HDAC4: variants seen among roughly 807,000 people sequenced by gnomAD.
HDAC4 encodes the protein histone deacetylase A.
In HDAC4, 16 loss-of-function variants were observed where a neutral mutation model predicts 135.1. The ratio of observed to expected loss-of-function variants is 0.12; its 90% CI spans 0.08 to 0.18. The LOEUF is 0.18. Ranked by LOEUF, HDAC4 falls within the 10% of genes least tolerant of loss-of-function variation. The pLI, the probability that HDAC4 is intolerant of heterozygous loss-of-function variation, is 1.00. For synonymous variants in HDAC4, 685 were observed against 653.4 expected (o/e 1.05, Z -0.74); for missense variants, 1,143 against 1,511.8 (o/e 0.76, Z 4.05).
rs891257782 is a variant in HDAC4 at position 239,377,595 on chromosome 2, C to T, written c.-220+23383G>A. On this transcript the variant is annotated intron_variant, in intron 1 of 26. Transcript: ENST00000543185. Reference sequence around the variant, plus strand: ...ACCTATGATGTATCCTGCCTCACTTCGCCCAGACCACCAACCTGGAGCAGC... The same window carrying T: ...ACCTATGATGTATCCTGCCTCACTTTGCCCAGACCACCAACCTGGAGCAGC... Among the ~76,000 whole-genome samples, 12 of 152,228 alleles carry T rather than the reference C, an allele frequency of 7.9e-5. No homozygotes were observed. In the South Asian group the frequency reaches 1.0e-3, roughly 13 times the overall value.
chr2:239,387,869 TG>T lies in HDAC4; in HGVS notation c.-220+13108del. On this transcript the variant is annotated intron_variant, in intron 1 of 26. Coordinates refer to ENST00000543185, the MANE Select transcript of HDAC4 (RefSeq NM_001378414.1). The stretch of plus-strand genomic sequence containing the variant: ...CTCATGGTTCCACCACGCATTGCAA[TG>T]GGCACTAAGGGGAGTGGAAGGCGTG... Among the ~76,000 whole-genome samples, 2 of 152,184 alleles carry T rather than the reference TG, an allele frequency of 1.3e-5. 1 individual carries two copies. Among genetic ancestry groups the T allele is most frequent in the South Asian group, 4.1e-4 (2 of 4,826 alleles).
chr2:239,364,526 G>A (rs369110389), intron 1 of HDAC4, among the ~76,000 whole-genome samples: 3 of 152,136 alleles, frequency 2.0e-5, no homozygotes, highest in African/African-American at 7.2e-5. Flanking sequence ...TGGGAGGGGT[G>A]GGGGACGGCC....
At chr2:239,166,171 A>G (rs548546425) in intron 5 of HDAC4, among the ~76,000 whole-genome samples, 112 of 152,256 alleles carry the variant, frequency 7.4e-4, no homozygotes, top group Admixed American at 2.2e-3. Context: ...CTCCCATTAC[A>G]TTAAGGTGGA....
Position 239,054,735 on chromosome 2 carries a change from G to T in HDAC4, c.3088+14C>A, listed in dbSNP as rs369909905. ...GGGGCGTGTCCCCTGTGAGCACCCA[G>T]CCAGGCAACTTACTGTGGATCTCCA... On this transcript the variant is annotated intron_variant, in intron 25 of 26. Transcript: ENST00000543185. 10 of 1,587,528 alleles carry T rather than the reference G, an allele frequency of 6.3e-6. No homozygotes were observed. In the Admixed American group the frequency reaches 6.7e-5, roughly 11 times the overall value.
chr2:239,269,681 C>T (rs1203375207), intron 2 of HDAC4, among the ~76,000 whole-genome samples: 3 of 152,198 alleles, frequency 2.0e-5, no homozygotes, highest in East Asian at 3.9e-4. Flanking sequence ...CTGGTCACCT[C>T]GTGGCCGGGA....
intron 2 of HDAC4, among the ~76,000 whole-genome samples, chr2:239,338,518 C>T (rs1171271379): frequency 6.6e-6 from 1 of 152,164 alleles, no homozygotes; most frequent in Non-Finnish European, 1.5e-5. Context: ...ACTAAAAGAA[C>T]GGCTGCATCT....
At chr2:239,269,621 G>A (rs2049949349) in intron 2 of HDAC4, among the ~76,000 whole-genome samples, 1 of 152,220 alleles carries the variant, frequency 6.6e-6, no homozygotes. Context: ...GCCCCAGTGG[G>A]CTGGCCACTG....
intron 22 of HDAC4, among the ~76,000 whole-genome samples, chr2:239,075,003 C>T (rs1416895244): frequency 2.0e-5 from 3 of 152,062 alleles, no homozygotes; most frequent in Admixed American, 2.0e-4. Context: ...GCAGGCGGAT[C>T]ATGAGGTCAG....
At chr2:239,073,756 G>A (rs761323051) in intron 22 of HDAC4, among the ~76,000 whole-genome samples, 7 of 152,376 alleles carry the variant, frequency 4.6e-5, no homozygotes, top group East Asian at 1.9e-4. Context: ...AGTTGGTGTC[G>A]GCACTCCCGC....
intron 25 of HDAC4, 76 bp from the exon 26 acceptor site, chr2:239,053,677 C>T (rs570491692): frequency 6.2e-5 from 82 of 1,320,526 alleles, no homozygotes; most frequent in Admixed American, 4.2e-4. Flanking sequence ...GAAGGTCCTG[C>T]GGGACCCTGA....
chr2:239,325,834 G>A (rs1377064293), intron 2 of HDAC4, among the ~76,000 whole-genome samples: 2 of 152,076 alleles, frequency 1.3e-5, no homozygotes, highest in Admixed American at 6.5e-5. Flanking sequence ...GCGTGGTGGC[G>A]GGTGTCTGTA....
chr2:239,071,157 C>T (rs2034160199), intron 22 of HDAC4, among the ~76,000 whole-genome samples: 1 of 151,912 alleles, frequency 6.6e-6, no homozygotes, highest in South Asian at 2.1e-4. Context: ...GTGGCTCACG[C>T]CAGTAATCCC....
At chr2:239,130,855 A>G (rs903202681) in intron 11 of HDAC4, among the ~76,000 whole-genome samples, 2 of 152,176 alleles carry the variant, frequency 1.3e-5, no homozygotes, top group Admixed American at 6.5e-5. Flanking sequence ...CCTGCTTCTC[A>G]GCCACACGGG....
intron 25 of HDAC4, 63 bp from the exon 26 acceptor site, chr2:239,053,664 C>A: frequency 2.7e-6 from 4 of 1,478,458 alleles, no homozygotes; most frequent in Non-Finnish European, 3.7e-6. Flanking sequence ...CACTGAGGCC[C>A]GGGAAGGTCC....
chr2:239,379,034 G>T (rs972034782), intron 1 of HDAC4, among the ~76,000 whole-genome samples: 3 of 152,204 alleles, frequency 2.0e-5, no homozygotes, highest in Admixed American at 2.0e-4. Context: ...GGTGGGACGG[G>T]AAGGTAAAGA....
intron 1 of HDAC4, among the ~76,000 whole-genome samples, chr2:239,386,291 G>A (rs932290385): frequency 1.7e-4 from 26 of 152,102 alleles, no homozygotes; most frequent in Non-Finnish European, 2.9e-4. Flanking sequence ...ATGCTCAAAC[G>A]GAATTAGAGG....
At chr2:239,316,358 G>C (rs955023583) in intron 2 of HDAC4, among the ~76,000 whole-genome samples, 1 of 147,134 alleles carries the variant, frequency 6.8e-6, no homozygotes, top group African/African-American at 2.5e-5. Context: ...CCAGCACTCT[G>C]GGGGGCCAAG....
intron 2 of HDAC4, among the ~76,000 whole-genome samples, chr2:239,284,351 G>A (rs529561709): frequency 1.3e-5 from 2 of 152,314 alleles, no homozygotes; most frequent in African/African-American, 4.8e-5. Flanking sequence ...GTGAGCCAAC[G>A]CATGGGGGCA....
At chr2:239,183,025 G>A (rs915405373) in intron 4 of HDAC4, among the ~76,000 whole-genome samples, 1 of 152,192 alleles carries the variant, frequency 6.6e-6, no homozygotes, top group Non-Finnish European at 1.5e-5. Flanking sequence ...AACTTTACAC[G>A]TCAGACTACT....
Sources: allele counts gnomAD v4.1 joint callset (sites outside exome capture counted in the v4.1 genomes callset), GRCh38; gene constraint gnomAD v4.1.1; transcripts MANE v1.5; gene names NCBI Gene and HGNC (gene_info 2026-07-23, HGNC 2026-07-21).